Variants in NSD1 observed in about 807,000 individuals in gnomAD.
NSD1 encodes histone-lysine N-methyltransferase, H3 lysine-36 specific.
A neutral mutation model predicts 242.7 loss-of-function variants in NSD1; 26 were observed. The ratio of observed to expected loss-of-function variants is 0.11; its 90% CI spans 0.08 to 0.15. The LOEUF (loss-of-function observed/expected upper bound fraction) is 0.15, where lower values mean the gene tolerates loss of function less well. NSD1 is among the 10% of genes least tolerant of loss of function. NSD1 has a pLI of 1.00. For synonymous variants in NSD1, 1,106 were observed against 1,178.1 expected (o/e 0.94, Z 1.25); for missense variants, 2,495 against 3,272.8 (o/e 0.76, Z 5.80).
At chr5:177,166,740 T>A (rs1328539642) in intron 2 of NSD1, among the ~76,000 whole-genome samples, 1 of 151,134 alleles carries the variant, frequency 6.6e-6, no homozygotes, top group Non-Finnish European at 1.5e-5. Context: ...ACATTTTGAG[T>A]TACTTTTTTT....
chr5:177,149,097 G>A (rs1757489949), intron 2 of NSD1, among the ~76,000 whole-genome samples: 1 of 152,032 alleles, frequency 6.6e-6, no homozygotes, highest in East Asian at 1.9e-4. Flanking sequence ...GGGATTTCAG[G>A]CATGAGCCAT....
rs763252032 is a variant in NSD1, at chr5:177,210,094, A to G, written c.1695A>G (p.Pro565=). ...ANSLTGSNTA[P]GSFLFSSCGK... Reference sequence around the variant, plus strand: ...GCCTCACAGGGTCCAACACTGCCCCAGGAAGTTTTCTGTTTTCTTCCTGTG... The same window carrying G: ...GCCTCACAGGGTCCAACACTGCCCCGGGAAGTTTTCTGTTTTCTTCCTGTG... Residue 565 remains proline, a synonymous_variant, in exon 5 of 23, where the codon CCA becomes CCG. Coordinates refer to ENST00000439151, the MANE Select transcript of NSD1 (RefSeq NM_022455.5). The G allele has an allele frequency of 1.2e-6, 2 of 1,613,562 alleles. No individual in the cohort carries two copies. The highest frequency in any genetic ancestry group is 2.2e-5 in the East Asian group (1 of 44,878).
In NSD1 at chr5:177,238,555, A is replaced by T. The variant is rs753269790; in HGVS notation, c.4192+48A>T. The T allele has an allele frequency of 4.7e-5, 75 of 1,597,806 alleles. No individual in the cohort carries two copies. In the East Asian group the frequency reaches 8.7e-4, roughly 19 times the overall value. Reference sequence around the variant, plus strand: ...GTATTTGAGCAGATATGATTAGAGGAAGCAGGAGATTTTAGTATGTTTTGA... The same window carrying T: ...GTATTTGAGCAGATATGATTAGAGGTAGCAGGAGATTTTAGTATGTTTTGA... On this transcript the variant is annotated intron_variant, in intron 7 of 22. Transcript: ENST00000439151. The surrounding 1 kb of genome is among the most constrained non-coding windows in gnomAD (Gnocchi z 4.6).
intron 2 of NSD1, among the ~76,000 whole-genome samples, chr5:177,147,217 C>G (rs1316923336): frequency 6.6e-6 from 1 of 151,912 alleles, no homozygotes; most frequent in African/African-American, 2.4e-5. Flanking sequence ...GCGATCCTCC[C>G]ACCTCAGCCT....
intron 20 of NSD1, among the ~76,000 whole-genome samples, chr5:177,286,640 G>A (rs751331377): frequency 2.0e-5 from 3 of 151,916 alleles, no homozygotes; most frequent in African/African-American, 4.8e-5. Flanking sequence ...CTCTCTAATC[G>A]CCCCAGGGGT....
intron 2 of NSD1, among the ~76,000 whole-genome samples, chr5:177,165,112 A>G (rs1020075662): frequency 6.6e-6 from 1 of 152,154 alleles, no homozygotes; most frequent in Non-Finnish European, 1.5e-5. Flanking sequence ...ACAAAAAATA[A>G]AAAATAAAAT....
At chr5:177,136,950 A>T (rs1166763743) in intron 2 of NSD1, 1 of 699,044 alleles carries the variant, frequency 1.4e-6, no homozygotes, top group Admixed American at 2.0e-5. Flanking sequence ...AGCTAGAACT[A>T]CAGTAGTTTC....
At chr5:177,180,673 T>A (rs1015056909) in intron 2 of NSD1, among the ~76,000 whole-genome samples, 3 of 151,946 alleles carry the variant, frequency 2.0e-5, no homozygotes, top group African/African-American at 7.2e-5. Flanking sequence ...TATTATTTAT[T>A]TATTTATTTT....
chr5:177,160,703 T>G (rs1176463210), intron 2 of NSD1, among the ~76,000 whole-genome samples: 1 of 152,134 alleles, frequency 6.6e-6, no homozygotes, highest in Non-Finnish European at 1.5e-5. Flanking sequence ...GGGACAGCCC[T>G]TTTATTTATT....
chr5:177,289,235 C>A (rs1380724179), intron 21 of NSD1, among the ~76,000 whole-genome samples: 1 of 151,944 alleles, frequency 6.6e-6, no homozygotes, highest in Non-Finnish European at 1.5e-5. Flanking sequence ...GCAGGAGAAT[C>A]CCTTGAACCC....
In NSD1 at chr5:177,211,414, C is replaced by T; in HGVS notation, c.3015C>T (p.Leu1005=). 2 of 1,614,136 alleles carry T rather than the reference C, an allele frequency of 1.2e-6. No homozygotes were observed. The highest frequency in any genetic ancestry group is 8.5e-7 in the Non-Finnish European group (1 of 1,180,044). The change falls in exon 5 of 23, where the codon CTC becomes CTT. Residue 1005 remains leucine, a synonymous_variant. Coordinates refer to ENST00000439151, the MANE Select transcript of NSD1 (RefSeq NM_022455.5). ...GCTTACTGTCCGACAAGAGAGACCT[C>T]CCTGCTTCTGGTAAAAGTCGTTCAG... The part of the protein sequence containing the change: ...LPGLLSDKRD[L]PASGKSRSDC...
intron 15 of NSD1, among the ~76,000 whole-genome samples, chr5:177,268,039 A>G (rs895980227): frequency 5.3e-5 from 8 of 150,498 alleles, no homozygotes; most frequent in Non-Finnish European, 1.0e-4. Flanking sequence ...GTACTCCCAG[A>G]CGTACCAATA....
At chr5:177,192,109 T>C in intron 3 of NSD1, 90 bp downstream of exon 3, 1 of 1,190,284 alleles carries the variant, frequency 8.4e-7, no homozygotes, top group Non-Finnish European at 1.2e-6. Context: ...ATTTTTTTCC[T>C]TGGAACATTT....
chr5:177,199,579 A>ATTTTCTTTTCTTTTC (rs372397508), intron 3 of NSD1, among the ~76,000 whole-genome samples: 2 of 127,814 alleles, frequency 1.6e-5, no homozygotes, highest in South Asian at 2.4e-4. Context: ...TCAACTTAAT[A>ATTTTCTTTTCTTTTC]TTTTCTTTTC....
At chr5:177,236,309 T>A (rs1033518192) in intron 6 of NSD1, among the ~76,000 whole-genome samples, 2 of 152,314 alleles carry the variant, frequency 1.3e-5, no homozygotes, top group African/African-American at 4.8e-5. Context: ...CTCAGTTTTT[T>A]AAAATGAAAT....
At chr5:177,247,878 A>G in intron 10 of NSD1, 1 of 974,076 alleles carries the variant, frequency 1.0e-6, no homozygotes, top group Non-Finnish European at 1.2e-6. Flanking sequence ...TCTTGGAAGG[A>G]CAAATAAGTA....
At chr5:177,261,236 ATTTTTTTTT>A (rs10652091) in intron 14 of NSD1, among the ~76,000 whole-genome samples, 10,073 of 75,288 alleles carry the variant, frequency 0.13, 831 homozygotes, top group African/African-American at 0.33. Flanking sequence ...TGCCCCACTA[ATTTTTTTTT>A]TTTTTTTTTT....
chr5:177,133,203 A>G (rs1253858580), upstream of NSD1: 2 of 152,568 alleles, frequency 1.3e-5, no homozygotes, highest in Non-Finnish European at 2.9e-5. The surrounding 1 kb of genome is among the most constrained non-coding windows in gnomAD (Gnocchi z 6.2). Context: ...GGCCGAACCC[A>G]GCGGGCTGAG....
chr5:177,194,376 C>T (rs1370090401), intron 3 of NSD1, among the ~76,000 whole-genome samples: 1 of 151,482 alleles, frequency 6.6e-6, no homozygotes, highest in African/African-American at 2.4e-5. Flanking sequence ...CATCCAACCT[C>T]AGCATCCTGA....
Sources: allele counts gnomAD v4.1 joint callset (sites outside exome capture counted in the v4.1 genomes callset), GRCh38; gene constraint gnomAD v4.1.1; non-coding constraint Gnocchi (gnomAD v3.1); transcripts MANE v1.5; gene names NCBI Gene and HGNC (gene_info 2026-07-23, HGNC 2026-07-21).